The following SPAG16 variants were observed in gnomAD, a reference collection of about 807,000 sequenced individuals.
SPAG16 encodes sperm associated antigen 16.
In SPAG16, 86 loss-of-function variants were observed where a neutral mutation model predicts 80.4. That is an observed-to-expected ratio of 1.07 (90% CI 0.90 to 1.28). The LOEUF (loss-of-function observed/expected upper bound fraction) is 1.28. Ranked by LOEUF, SPAG16 falls within the 50% of genes most tolerant of loss-of-function variation. The pLI is 0.00. For missense variants in SPAG16, 870 were observed against 765.3 expected (o/e 1.14, Z -1.61); for synonymous variants, 294 against 265.9 (o/e 1.11, Z -1.03).
chr2:213,464,239 G>A (rs1480369243), intron 9 of SPAG16, among the ~76,000 whole-genome samples: 1 of 152,202 alleles, frequency 6.6e-6, no homozygotes, highest in African/African-American at 2.4e-5. Flanking sequence ...CAGCTTCAAA[G>A]GGGTGTTTCT....
At chr2:213,341,372 G>T (rs2124964725) in intron 6 of SPAG16, among the ~76,000 whole-genome samples, 1 of 152,200 alleles carries the variant, frequency 6.6e-6, no homozygotes. Context: ...TTGATGCCAG[G>T]CAAAGTTGGG....
intron 10 of SPAG16, among the ~76,000 whole-genome samples, chr2:213,595,612 C>T (rs2060860018): frequency 6.6e-6 from 1 of 151,910 alleles, no homozygotes; most frequent in Non-Finnish European, 1.5e-5. Context: ...CTTTGCGTAC[C>T]ACCTATAATG....
intron 13 of SPAG16, among the ~76,000 whole-genome samples, chr2:214,020,942 A>G (rs191410657): frequency 1.2e-3 from 181 of 152,268 alleles, no homozygotes; most frequent in African/African-American, 4.3e-3. Flanking sequence ...CAAATGTTCT[A>G]TATCATAAGT....
chr2:213,966,092 GA>G (rs145879150), intron 12 of SPAG16, among the ~76,000 whole-genome samples: 1,701 of 152,208 alleles, frequency 0.011, 37 homozygotes, highest in African/African-American at 0.039. Context: ...TAGGGCAGAG[GA>G]AAATTGCTAG....
chr2:214,167,542 G>A (rs2056706242), intron 15 of SPAG16, among the ~76,000 whole-genome samples: 1 of 152,050 alleles, frequency 6.6e-6, no homozygotes, highest in African/African-American at 2.4e-5. Context: ...AGAAGGAAAG[G>A]AAAGGATACT....
At chr2:213,836,815 T>G (rs1030354264) in intron 10 of SPAG16, among the ~76,000 whole-genome samples, 1 of 152,108 alleles carries the variant, frequency 6.6e-6, no homozygotes, top group Admixed American at 6.6e-5. Flanking sequence ...GGTTTTGCCA[T>G]GTTGGCCAGG....
chr2:213,787,279 A>G (rs1411604401), intron 10 of SPAG16, among the ~76,000 whole-genome samples: 1 of 152,146 alleles, frequency 6.6e-6, no homozygotes. Context: ...GAGGATAAAG[A>G]AGTAGAAGTT....
intron 15 of SPAG16, among the ~76,000 whole-genome samples, chr2:214,261,405 T>G (rs1691167684): frequency 6.6e-6 from 1 of 152,154 alleles, no homozygotes; most frequent in Non-Finnish European, 1.5e-5. Context: ...AAGAAAGCTC[T>G]GCCTTTATAA....
intron 10 of SPAG16, among the ~76,000 whole-genome samples, chr2:213,540,471 TCA>T (rs2076407752): frequency 6.6e-6 from 1 of 152,218 alleles, no homozygotes; most frequent in African/African-American, 2.4e-5. Flanking sequence ...TCATTTATTT[TCA>T]TAAATGTAAA....
intron 10 of SPAG16, among the ~76,000 whole-genome samples, chr2:213,647,571 T>C (rs1431861133): frequency 6.6e-6 from 1 of 152,176 alleles, no homozygotes; most frequent in African/African-American, 2.4e-5. Context: ...AAGTTTCTTA[T>C]TGAAGCCCCA....
intron 12 of SPAG16, among the ~76,000 whole-genome samples, chr2:214,001,674 A>C (rs1263219940): frequency 6.6e-6 from 1 of 152,212 alleles, no homozygotes; most frequent in African/African-American, 2.4e-5. Flanking sequence ...ACTGTGGCAC[A>C]TGCAGTACAT....
At chr2:214,329,535 G>T (rs762694048) in intron 15 of SPAG16, among the ~76,000 whole-genome samples, 9 of 152,190 alleles carry the variant, frequency 5.9e-5, no homozygotes, top group Non-Finnish European at 1.2e-4. Context: ...TTACTTTATT[G>T]AATGTCTTAA....
chr2:213,753,548 T>A (rs900530269), intron 10 of SPAG16, among the ~76,000 whole-genome samples: 2 of 152,214 alleles, frequency 1.3e-5, no homozygotes, highest in Non-Finnish European at 2.9e-5. Context: ...ATTAAGACAT[T>A]AGTTTCATGT....
At chr2:214,136,516 A>G (rs2055060356) in intron 14 of SPAG16, among the ~76,000 whole-genome samples, 1 of 152,144 alleles carries the variant, frequency 6.6e-6, no homozygotes, top group Admixed American at 6.5e-5. Context: ...ATTATTTTTG[A>G]GATTTCCAGC....
intron 15 of SPAG16, among the ~76,000 whole-genome samples, chr2:214,173,920 T>C (rs1264464106): frequency 6.6e-6 from 1 of 151,792 alleles, no homozygotes; most frequent in Non-Finnish European, 1.5e-5. Flanking sequence ...GCTGGTTCAA[T>C]ATATGCAAAT....
intron 10 of SPAG16, among the ~76,000 whole-genome samples, chr2:213,576,907 G>A (rs1576043787): frequency 6.6e-6 from 1 of 152,030 alleles, no homozygotes; most frequent in African/African-American, 2.4e-5. Flanking sequence ...CTTAATACGT[G>A]GGTGGCAAAA....
At chr2:213,807,545 C>T (rs560114693) in intron 10 of SPAG16, among the ~76,000 whole-genome samples, 1 of 152,098 alleles carries the variant, frequency 6.6e-6, no homozygotes, top group Non-Finnish European at 1.5e-5. Flanking sequence ...GATGAATGGG[C>T]TAGGCACAAT....
intron 10 of SPAG16, among the ~76,000 whole-genome samples, chr2:213,677,864 G>A (rs900136913): frequency 2.0e-5 from 3 of 152,058 alleles, no homozygotes; most frequent in Non-Finnish European, 4.4e-5. Context: ...CCACATAGTT[G>A]GAAGTAAAGC....
intron 10 of SPAG16, among the ~76,000 whole-genome samples, chr2:213,753,237 T>A (rs1255147023): frequency 6.6e-6 from 1 of 152,110 alleles, no homozygotes; most frequent in Non-Finnish European, 1.5e-5. Flanking sequence ...TGGTCTTGAT[T>A]TCCTGACCTC....
Sources: gnomAD v4.1 joint callset for allele counts (sites outside exome capture counted in the v4.1 genomes callset) on GRCh38, gnomAD v4.1.1 for gene constraint, MANE v1.5 for transcripts, NCBI Gene and HGNC (gene_info 2026-07-23, HGNC 2026-07-21) for gene names.